Variants in UACA observed in about 807,000 individuals in gnomAD.
The protein encoded by UACA is nuclear membrane binding protein.
Under a neutral mutation model 160.5 loss-of-function variants are expected in UACA, and 112 were observed. The ratio of observed to expected loss-of-function variants is 0.70; its 90% CI spans 0.60 to 0.82. UACA has a LOEUF of 0.82. Among genes scored for constraint, UACA ranks in the 40% least tolerant of loss-of-function variants. The pLI, the probability that UACA is intolerant of heterozygous loss-of-function variation, is 0.00. For synonymous variants in UACA, 557 were observed against 568.4 expected, an observed-to-expected ratio of 0.98 and a Z score of 0.29; for missense variants, 1,574 against 1,614.6, an observed-to-expected ratio of 0.97 and a Z score of 0.43.
At chr15:70,681,945 T>C (rs965653168) in intron 9 of UACA, 3 of 152,202 alleles carry the variant, frequency 2.0e-5, no homozygotes, top group South Asian at 2.1e-4. Flanking sequence ...AGGATGATGA[T>C]CAGAATTGCT....
rs555222241 is a variant in UACA, at chr15:70,695,358, T to A, written c.213-253A>T. On this transcript the variant is annotated intron_variant, in intron 2 of 18. Coordinates refer to ENST00000322954, the MANE Select transcript of UACA (RefSeq NM_018003.4). ...ATATACTAATGTGCAAAAGCCTTAA[T>A]AAGAGAAAATTTATACTATAATATC... 2.4e-4 allele frequency among the ~76,000 whole-genome samples: 37 copies of A among 152,316 alleles called. No homozygotes were observed. In the East Asian group the frequency reaches 6.7e-3, roughly 28 times the overall value.
the UACA span, among the ~76,000 whole-genome samples, chr15:70,776,520 C>T: frequency 6.6e-6 from 1 of 151,548 alleles, no homozygotes; most frequent in Non-Finnish European, 1.5e-5. Flanking sequence ...CTCCGCCTCC[C>T]AGGTTCAAGC....
rs1373895686 is a variant in UACA at position 70,717,115 on chromosome 15, G to C, written c.79-17455C>G. Among the ~76,000 whole-genome samples the C allele has an allele frequency of 4.6e-5, 7 of 152,164 alleles. No individual in the cohort carries two copies. The South Asian group carries it at 6.2e-4, about 14-fold the overall frequency. On this transcript the variant is annotated intron_variant, in intron 1 of 18. Transcript: ENST00000322954. ...GCATGCCTGTAATCCCAGCTACTCG[G>C]GAGGCTGAGGCAGGCGAATTGCTTG...
intron 1 of UACA, among the ~76,000 whole-genome samples, chr15:70,724,259 T>A (rs910758301): frequency 2.0e-5 from 3 of 152,330 alleles, no homozygotes; most frequent in Non-Finnish European, 4.4e-5. Context: ...AAGATGGTCA[T>A]GGAAATGTAA....
Position 70,763,344 on chromosome 15 carries a change from C to A in UACA, c.64G>T (p.Ala22Ser). ...GCGGGACTCACCGCGCTGGCGGCGG[C>A]GGCGCCAGACGACGCGGGGCCGGGC... is the stretch of plus-strand genomic sequence containing the variant. ...DVPGPASSGAAAASAHAADWN... is the reference protein window; with the variant it reads ...DVPGPASSGASAASAHAADWN... Residue 22 changes from alanine to serine, a missense_variant, in exon 1 of 19, where the codon GCC (alanine) becomes TCC (serine). Physicochemically the swap from Ala to Ser is moderately conservative, Grantham distance 99 (BLOSUM62 1). Coordinates refer to ENST00000322954, the MANE Select transcript of UACA (RefSeq NM_018003.4). 1.5e-6 allele frequency: 2 copies of A among 1,332,630 alleles called. No individual in the cohort carries two copies. The highest frequency in any genetic ancestry group is 1.9e-6 in the Non-Finnish European group (2 of 1,036,024). The allele number at this position is 1,332,630 out of a possible 1,614,324, so 82.6% of individuals were successfully genotyped here. A position where few individuals can be genotyped will look rare whatever the true frequency, so the allele number is the denominator to read the frequency against.
intron 1 of UACA, chr15:70,754,135 TG>T: frequency 2.2e-6 from 1 of 456,072 alleles, no homozygotes. Flanking sequence ...TGAACATGTA[TG>T]ACTTTTGTGG....
upstream of UACA, among the ~76,000 whole-genome samples, chr15:70,766,350 A>G (rs2031008205): frequency 1.3e-5 from 2 of 152,072 alleles, no homozygotes; most frequent in Admixed American, 1.3e-4. Flanking sequence ...ATTTATTTTT[A>G]TCTTCCCTTC....
chr15:70,724,324 T>G (rs1899084472), intron 1 of UACA, among the ~76,000 whole-genome samples: 1 of 152,218 alleles, frequency 6.6e-6, no homozygotes, highest in South Asian at 2.1e-4. Flanking sequence ...CTAGTGTTCA[T>G]AAAGGCTGAT....
intron 17 of UACA, 77 bp from the exon 18 acceptor site, chr15:70,660,293 T>A: frequency 1.6e-6 from 2 of 1,242,110 alleles, no homozygotes; most frequent in Non-Finnish European, 2.4e-6. Flanking sequence ...TCAGGCTTCA[T>A]GCTACAAAAC....
the UACA span, among the ~76,000 whole-genome samples, chr15:70,772,472 GAC>G: frequency 1.5e-5 from 2 of 131,570 alleles, no homozygotes. Context: ...CAGCCTGGGC[GAC>G]AGAGGGAGCC....
At chr15:70,709,350 C>T (rs1222072179) in intron 1 of UACA, among the ~76,000 whole-genome samples, 1 of 152,164 alleles carries the variant, frequency 6.6e-6, no homozygotes, top group Non-Finnish European at 1.5e-5. Context: ...TTCTAGAGAA[C>T]AAACATTTTA....
intron 14 of UACA, 136 bp downstream of exon 14, chr15:70,671,829 G>T (rs1339386877): frequency 1.3e-5 from 7 of 552,840 alleles, no homozygotes; most frequent in Non-Finnish European, 2.0e-5. Flanking sequence ...CGTCTTCCTA[G>T]TTCCATGTGC....
At chr15:70,706,213 A>T (rs1037460115) in intron 1 of UACA, among the ~76,000 whole-genome samples, 2 of 152,180 alleles carry the variant, frequency 1.3e-5, no homozygotes, top group African/African-American at 4.8e-5. Flanking sequence ...AAAGCATTTG[A>T]CAAGACTCAA....
chr15:70,676,667 T>G (rs1897312142), intron 12 of UACA, 76 bp from the exon 13 acceptor site: 1 of 1,238,252 alleles, frequency 8.1e-7, no homozygotes, highest in South Asian at 1.2e-5. Context: ...TTAGAAAACG[T>G]GAATTGGAAT....
chr15:70,722,885 C>A (rs1328140206), intron 1 of UACA, among the ~76,000 whole-genome samples: 2 of 152,042 alleles, frequency 1.3e-5, no homozygotes, highest in South Asian at 2.1e-4. Flanking sequence ...AAGGTGGCAC[C>A]ACTCAGAAGC....
chr15:70,692,371 C>T (rs1307620566), intron 3 of UACA, among the ~76,000 whole-genome samples: 2 of 151,970 alleles, frequency 1.3e-5, no homozygotes, highest in Non-Finnish European at 2.9e-5. Context: ...CTGTATTGCC[C>T]AAAGTGGTCT....
intron 1 of UACA, among the ~76,000 whole-genome samples, chr15:70,714,512 T>C (rs974343819): frequency 6.7e-6 from 1 of 148,912 alleles, no homozygotes; most frequent in East Asian, 1.9e-4. Context: ...AAAGGGAAAA[T>C]TATATCCTAT....
At chr15:70,743,648 A>G (rs994656388) in intron 1 of UACA, among the ~76,000 whole-genome samples, 3 of 152,176 alleles carry the variant, frequency 2.0e-5, no homozygotes, top group African/African-American at 7.2e-5. Context: ...GGTGCTGAAG[A>G]TTTTCTTTTC....
intron 1 of UACA, chr15:70,703,390 C>G: frequency 1.4e-6 from 1 of 737,716 alleles, no homozygotes; most frequent in Non-Finnish European, 1.9e-6. Flanking sequence ...AAATCTGTTT[C>G]CTACTAAATT....
Sources: allele counts gnomAD v4.1 joint callset (sites outside exome capture counted in the v4.1 genomes callset), GRCh38; gene constraint gnomAD v4.1.1; transcripts MANE v1.5; gene names NCBI Gene and HGNC (gene_info 2026-07-23, HGNC 2026-07-21).